Variants in PCDH11X observed in about 807,000 individuals in gnomAD.
PCDH11X encodes the protein protocadherin 11 X-linked.
Under a neutral mutation model 53.3 loss-of-function variants are expected in PCDH11X, and 18 were observed. That is an observed-to-expected ratio of 0.34 (90% confidence interval 0.23 to 0.50). PCDH11X has a LOEUF of 0.50. Among genes scored for constraint, PCDH11X ranks in the 20% least tolerant of loss-of-function variants. The probability of loss-of-function intolerance (pLI) is 0.98; values close to 1 mark genes in which losing one functional copy is unlikely to be tolerated. For missense variants in PCDH11X, 570 were observed against 1,032.4 expected (o/e 0.55, Z 6.14); for synonymous variants, 279 against 393.3 (o/e 0.71, Z 3.44).
chrX:92,116,005 G>A (rs2064630275), intron 6 of PCDH11X, among the ~76,000 whole-genome samples: 1 of 110,453 alleles, frequency 9.1e-6, no homozygotes, highest in African/African-American at 3.3e-5. Flanking sequence ...CATAGCTTCA[G>A]TGGAATTATA....
At chrX:92,360,269 G>C (rs999835083) in intron 8 of PCDH11X, among the ~76,000 whole-genome samples, 4 of 110,740 alleles carry the variant, frequency 3.6e-5, no homozygotes, top group African/African-American at 1.3e-4. Context: ...CTTTGTAAAA[G>C]TGAAATACAG....
intron 6 of PCDH11X, among the ~76,000 whole-genome samples, chrX:92,110,942 C>G (rs896436773): frequency 1.3e-4 from 14 of 109,419 alleles, no homozygotes; most frequent in Admixed American, 4.0e-4. Flanking sequence ...TTAGAGGAAC[C>G]AGGACATGCT....
chrX:92,348,406 G>A (rs2069954507), intron 8 of PCDH11X, among the ~76,000 whole-genome samples: 1 of 110,640 alleles, frequency 9.0e-6, no homozygotes, highest in Non-Finnish European at 1.9e-5. Context: ...CAACCAATAT[G>A]CTGTACAGCT....
intron 8 of PCDH11X, among the ~76,000 whole-genome samples, chrX:92,313,856 A>G (rs755395265): frequency 6.3e-5 from 7 of 111,580 alleles, no homozygotes; most frequent in African/African-American, 2.3e-4. Context: ...ACGGTATAAA[A>G]AGGAAGAAAT....
At chrX:92,064,159 G>T (rs2063568313) in intron 6 of PCDH11X, among the ~76,000 whole-genome samples, 1 of 102,867 alleles carries the variant, frequency 9.7e-6, no homozygotes, top group Non-Finnish European at 2.0e-5. Context: ...GGACTGGCAG[G>T]GGTAGGGTTG....
chrX:92,087,372 G>A (rs900236143), intron 6 of PCDH11X, among the ~76,000 whole-genome samples: 1 of 108,905 alleles, frequency 9.2e-6, no homozygotes, highest in Admixed American at 9.9e-5. Flanking sequence ...GATTACAGGC[G>A]TGAGCCACCG....
At chrX:92,369,677 C>T (rs911729724) in intron 8 of PCDH11X, among the ~76,000 whole-genome samples, 27 of 111,592 alleles carry the variant, frequency 2.4e-4, no homozygotes, top group Non-Finnish European at 3.4e-4. Context: ...CTGCAGATTG[C>T]AAAAACTATG....
intron 8 of PCDH11X, among the ~76,000 whole-genome samples, chrX:92,273,303 G>A (rs1031077897): frequency 1.8e-5 from 2 of 111,126 alleles, no homozygotes; most frequent in African/African-American, 6.6e-5. Flanking sequence ...GTGCTCAGTG[G>A]GGGAGCTTCT....
At chrX:91,929,601 A>G (rs748167421) in intron 6 of PCDH11X, among the ~76,000 whole-genome samples, 3 of 111,105 alleles carry the variant, frequency 2.7e-5, no homozygotes, top group Admixed American at 9.7e-5. Context: ...AAGCAGTAGC[A>G]TTCTTACCAA....
chrX:91,859,132 A>G (rs895694610), intron 5 of PCDH11X, among the ~76,000 whole-genome samples: 28 of 111,243 alleles, frequency 2.5e-4, no homozygotes, highest in African/African-American at 8.5e-4. Context: ...CGGAATCTGT[A>G]TTTTGTGGAC....
intron 6 of PCDH11X, among the ~76,000 whole-genome samples, chrX:92,144,962 AG>A (rs1461704218): frequency 6.3e-5 from 7 of 111,370 alleles, no homozygotes; most frequent in African/African-American, 2.3e-4. Context: ...GGGAGCTGCC[AG>A]TGTGACCATC....
At chrX:91,988,935 C>T (rs553593738) in intron 6 of PCDH11X, among the ~76,000 whole-genome samples, 6 of 111,685 alleles carry the variant, frequency 5.4e-5, no homozygotes, top group African/African-American at 1.6e-4. Context: ...ATCCATTTCA[C>T]AGGGAACCAA....
At chrX:91,843,302 T>TGTGTGC (rs1556273028) in intron 5 of PCDH11X, among the ~76,000 whole-genome samples, 6 of 103,011 alleles carry the variant, frequency 5.8e-5, no homozygotes, top group African/African-American at 2.1e-4. Context: ...TGTGTGTGTG[T>TGTGTGC]ATCTTTTTTC....
At chrX:92,446,617 T>A (rs1244939838) in intron 9 of PCDH11X, among the ~76,000 whole-genome samples, 1 of 111,767 alleles carries the variant, frequency 8.9e-6, no homozygotes, top group Admixed American at 9.5e-5. Flanking sequence ...TCCCCAGCCA[T>A]GTGGAACTGT....
At chrX:92,244,328 A>G (rs1347975854) in intron 7 of PCDH11X, among the ~76,000 whole-genome samples, 1 of 107,323 alleles carries the variant, frequency 9.3e-6, no homozygotes, top group East Asian at 2.9e-4. Context: ...GTATTATACA[A>G]TTTTCTGTAA....
Position 92,564,024 on chromosome X carries a change from T to G in PCDH11X, c.3368-54240T>G, listed in dbSNP as rs190195366. 5.3e-3 allele frequency among the ~76,000 whole-genome samples: 578 copies of G among 109,474 alleles called. 1 individual carries two copies. Among genetic ancestry groups the G allele is most frequent in the African/African-American group, 0.018 (544 of 30,226 alleles). ...AATAAAATAATACTCCCATCTACAA[T>G]AGCCACAAGTAAAATTAAATATCTA... On this transcript the variant is annotated intron_variant, in intron 10 of 10. Coordinates refer to ENST00000682573, the MANE Select transcript of PCDH11X (RefSeq NM_032968.5).
chrX:91,919,606 A>G (rs1941680593), intron 6 of PCDH11X, among the ~76,000 whole-genome samples: 1 of 111,355 alleles, frequency 9.0e-6, no homozygotes. Flanking sequence ...CCAGGACATA[A>G]AGAGTGACGG....
Position 92,202,172 on chromosome X carries a change from T to C in PCDH11X, c.3114+717T>C, listed in dbSNP as rs376357416. On this transcript the variant is annotated intron_variant, in intron 7 of 10. Coordinates refer to ENST00000682573, the MANE Select transcript of PCDH11X (RefSeq NM_032968.5). ...CTTCTTCCTTGATTTTTTGTTGGGA[T>C]GGGCTCTCCACCTGCACAGTGGCCT... 7.2e-5 allele frequency among the ~76,000 whole-genome samples: 8 copies of C among 111,609 alleles called. No homozygotes were observed. In the East Asian group the frequency reaches 2.3e-3, roughly 32 times the overall value.
chrX:92,320,485 G>A (rs1016098168), intron 8 of PCDH11X, among the ~76,000 whole-genome samples: 3 of 109,662 alleles, frequency 2.7e-5, no homozygotes, highest in African/African-American at 1.0e-4. Flanking sequence ...ATAATATGAA[G>A]GATATATGAT....
Sources: gnomAD v4.1 joint callset for allele counts (sites outside exome capture counted in the v4.1 genomes callset) on GRCh38, gnomAD v4.1.1 for gene constraint, MANE v1.5 for transcripts, NCBI Gene and HGNC (gene_info 2026-07-23, HGNC 2026-07-21) for gene names.